FAM107B: variants seen among roughly 807,000 people sequenced by gnomAD.
FAM107B encodes the protein protein FAM107B.
Under a neutral mutation model 31.5 loss-of-function variants are expected in FAM107B, and 21 were observed. That is an observed-to-expected ratio of 0.67 (90% CI 0.47 to 0.96). The LOEUF is 0.96. FAM107B is among the 40% of genes least tolerant of loss of function. The pLI is 0.00. For missense variants in FAM107B, 452 were observed against 377.1 expected (o/e 1.20, Z -1.64); for synonymous variants, 157 against 141.5 (o/e 1.11, Z -0.78).
intron 2 of FAM107B, among the ~76,000 whole-genome samples, chr10:14,631,556 T>G (rs1396019170): frequency 6.6e-6 from 1 of 152,164 alleles, no homozygotes; most frequent in Non-Finnish European, 1.5e-5. Flanking sequence ...TTTTCCTGCC[T>G]GATTGATTTC....
At chr10:14,595,969 G>A (rs1852176303) in intron 2 of FAM107B, among the ~76,000 whole-genome samples, 1 of 152,132 alleles carries the variant, frequency 6.6e-6, no homozygotes, top group Non-Finnish European at 1.5e-5. Flanking sequence ...TCCATCTCCT[G>A]CACGCCCTGC....
At chr10:14,756,125 G>C (rs541814018) in intron 1 of FAM107B, among the ~76,000 whole-genome samples, 3 of 152,264 alleles carry the variant, frequency 2.0e-5, no homozygotes, top group African/African-American at 4.8e-5. Flanking sequence ...CAAATTAAAG[G>C]ATGGATCAAT....
At chr10:14,547,019 T>C (rs1033125702) in intron 2 of FAM107B, among the ~76,000 whole-genome samples, 11 of 152,222 alleles carry the variant, frequency 7.2e-5, no homozygotes, top group African/African-American at 2.7e-4. Flanking sequence ...CACTGAATTG[T>C]TTCTGCCTCC....
intron 1 of FAM107B, among the ~76,000 whole-genome samples, chr10:14,686,835 G>T (rs1037740393): frequency 1.3e-5 from 2 of 152,236 alleles, no homozygotes; most frequent in Non-Finnish European, 2.9e-5. Context: ...GAGAGGGGCA[G>T]GTGGAGCCAA....
At chr10:14,540,025 C>T (rs542961715) in intron 2 of FAM107B, among the ~76,000 whole-genome samples, 7 of 152,318 alleles carry the variant, frequency 4.6e-5, no homozygotes, top group Admixed American at 6.5e-5. Context: ...ACCATGTGGA[C>T]GTGACACACA....
In FAM107B at chr10:14,667,686, T is replaced by G; in HGVS notation, c.417A>C (p.Glu139Asp). 6.2e-7 allele frequency: 1 copy of G among 1,614,170 alleles called. No homozygotes were observed. The highest frequency in any genetic ancestry group is 8.5e-7 in the Non-Finnish European group (1 of 1,180,000). The change falls in exon 2 of 5, where the codon GAA becomes GAC. Residue 139 changes from glutamate (E) to aspartate (D), a missense_variant. By Grantham distance (45) the Glu-to-Asp change is conservative. Coordinates refer to ENST00000181796, the MANE Select transcript of FAM107B (RefSeq NM_031453.4). ...GGCATTTAGGTTCTTCTCGAAATTC[T>G]TCTTCCTAAGCGCCAGCCCCATAAA... is the stretch of plus-strand genomic sequence containing the variant. Reference protein sequence around the residue: ...RPSIIDTPKEEEFREEPKCLE... With the variant: ...RPSIIDTPKEDEFREEPKCLE...
At chr10:14,622,933 A>T (rs1242174622) in intron 2 of FAM107B, among the ~76,000 whole-genome samples, 1 of 152,154 alleles carries the variant, frequency 6.6e-6, no homozygotes, top group Non-Finnish European at 1.5e-5. Context: ...TTAACTACAC[A>T]ATTTCTAGTT....
intron 1 of FAM107B, among the ~76,000 whole-genome samples, chr10:14,756,225 C>T (rs948861377): frequency 6.6e-6 from 1 of 151,882 alleles, no homozygotes; most frequent in Admixed American, 6.6e-5. Flanking sequence ...TTTCTGTGGC[C>T]CATTCATTAT....
chr10:14,564,498 T>G (rs1204933277), intron 2 of FAM107B, among the ~76,000 whole-genome samples: 1 of 150,716 alleles, frequency 6.6e-6, no homozygotes, highest in Non-Finnish European at 1.5e-5. Context: ...CCTCACCACT[T>G]ATTTGTTTAA....
At chr10:14,572,201 C>T (rs1178028523) in intron 2 of FAM107B, 4 of 985,294 alleles carry the variant, frequency 4.1e-6, no homozygotes, top group Non-Finnish European at 4.8e-6. Context: ...AAAAACAAAC[C>T]GTACCAACTC....
At chr10:14,572,018 G>T in intron 2 of FAM107B, 1 of 985,362 alleles carries the variant, frequency 1.0e-6, no homozygotes, top group Non-Finnish European at 1.2e-6. Flanking sequence ...TCCTTAGAGC[G>T]GTGAAGAAAA....
At chr10:14,748,546 AGCT>A (rs1279797254) in intron 1 of FAM107B, among the ~76,000 whole-genome samples, 2 of 152,250 alleles carry the variant, frequency 1.3e-5, no homozygotes, top group Non-Finnish European at 2.9e-5. Context: ...CTGAATGGGA[AGCT>A]AGCAGCTTAA....
chr10:14,763,592 G>C (rs190383284), intron 1 of FAM107B, among the ~76,000 whole-genome samples: 2 of 152,194 alleles, frequency 1.3e-5, no homozygotes, highest in African/African-American at 4.8e-5. Flanking sequence ...AGGTCAGAAG[G>C]GTTCCGGCAA....
In FAM107B at chr10:14,520,799, T is replaced by A; in HGVS notation, c.*391A>T. On this transcript the variant is annotated 3_prime_UTR_variant, in exon 5 of 5. Coordinates refer to ENST00000181796, the MANE Select transcript of FAM107B (RefSeq NM_031453.4). Reference sequence around the variant, plus strand: ...ACAAAAAGAGGAATTAAACACTTGTTTTTTAGCTTTTAAAAGAAAAAAGGC... The same window carrying A: ...ACAAAAAGAGGAATTAAACACTTGTATTTTAGCTTTTAAAAGAAAAAAGGC... The A allele has an allele frequency of 6.0e-6, 1 of 166,178 alleles. No homozygotes were observed. The highest frequency in any genetic ancestry group is 1.3e-5 in the Non-Finnish European group (1 of 77,780). 10.3% of individuals were successfully genotyped at this position (166,178 alleles called of 1,614,324 possible). A position where few individuals can be genotyped will look rare whatever the true frequency, so the allele number is the denominator to read the frequency against.
chr10:14,670,675 T>C (rs1564620625), intron 1 of FAM107B, among the ~76,000 whole-genome samples: 1 of 152,208 alleles, frequency 6.6e-6, no homozygotes, highest in Non-Finnish European at 1.5e-5. Context: ...TTAGCTCTTC[T>C]CCAAACATAT....
rs116312138 is a variant in FAM107B, at chr10:14,571,953, C to T, written c.470-41438G>A. ...GTAGATATAGGCAGGCTCCTTAAGC[C>T]CAAGGTAGCAAATAAAAAGATCGCA... On this transcript the variant is annotated intron_variant, in intron 2 of 4. Coordinates refer to ENST00000181796, the MANE Select transcript of FAM107B (RefSeq NM_031453.4). 8.7e-4 allele frequency: 855 copies of T among 985,270 alleles called. 7 individuals carry two copies. The African/African-American group carries it at 0.012, about 14-fold the overall frequency. 61.0% of individuals were successfully genotyped at this position (985,270 alleles called of 1,614,324 possible). A position where few individuals can be genotyped will look rare whatever the true frequency, so the allele number is the denominator to read the frequency against.
intron 2 of FAM107B, among the ~76,000 whole-genome samples, chr10:14,544,688 T>C (rs138493374): frequency 6.6e-6 from 1 of 152,152 alleles, no homozygotes; most frequent in African/African-American, 2.4e-5. Context: ...TCAACAGAGA[T>C]GTAGACAAGT....
rs1263735472 is a variant in FAM107B at position 14,519,413 on chromosome 10, T to A, written c.*1777A>T. On this transcript the variant is annotated 3_prime_UTR_variant, in exon 5 of 5. Transcript: ENST00000181796. ...TCAACGTGCAATCAGAAATGGGCTT[T>A]TCAAGATCATCAGTCATCACACTTC... 6.6e-6 allele frequency: 1 copy of A among 152,188 alleles called. No individual in the cohort carries two copies. The allele number at this position is 152,188 out of a possible 1,614,324, so 9.4% of individuals were successfully genotyped here.
At chr10:14,746,383 T>C (rs1832727083) in intron 1 of FAM107B, among the ~76,000 whole-genome samples, 1 of 152,214 alleles carries the variant, frequency 6.6e-6, no homozygotes, top group African/African-American at 2.4e-5. Context: ...AGTTGCTTCA[T>C]AGTGTCACTG....
Sources: gnomAD v4.1 joint callset for allele counts (sites outside exome capture counted in the v4.1 genomes callset) on GRCh38, gnomAD v4.1.1 for gene constraint, MANE v1.5 for transcripts, NCBI Gene and HGNC (gene_info 2026-07-23, HGNC 2026-07-21) for gene names.